The following SYNJ2 variants were observed in gnomAD, a reference collection of about 807,000 sequenced individuals.
SYNJ2 encodes the protein polyphosphatidylinositol phosphatase SYNJ2.
SYNJ2 carries 116 observed loss-of-function variants against 141.3 expected under a neutral mutation model. The ratio of observed to expected loss-of-function variants is 0.82; its 90% CI spans 0.71 to 0.96. The LOEUF (loss-of-function observed/expected upper bound fraction) is 0.96. Among genes scored for constraint, SYNJ2 ranks in the 40% least tolerant of loss-of-function variants. The pLI, the probability that SYNJ2 is intolerant of heterozygous loss-of-function variation, is 0.00. For synonymous variants in SYNJ2, 745 were observed against 777.7 expected, an observed-to-expected ratio of 0.96 and a Z score of 0.70; for missense variants, 1,873 against 1,934.8, an observed-to-expected ratio of 0.97 and a Z score of 0.60.
At chr6:158,065,062 T>A in intron 11 of SYNJ2, 71 bp downstream of exon 11, 1 of 1,454,768 alleles carries the variant, frequency 6.9e-7, no homozygotes, top group Non-Finnish European at 9.1e-7. Context: ...CCACCGCCTC[T>A]GTGCTATCCA....
chr6:158,020,215 C>A, intron 2 of SYNJ2, among the ~76,000 whole-genome samples: 1 of 80,910 alleles, frequency 1.2e-5, no homozygotes, highest in East Asian at 3.0e-4. Flanking sequence ...GTGACCCCCA[C>A]CTGCGTGACT....
At chr6:158,077,954 A>G (rs904306825) in intron 17 of SYNJ2, 4 of 436,988 alleles carry the variant, frequency 9.2e-6, no homozygotes, top group Admixed American at 3.9e-5. Flanking sequence ...CATGGTCATG[A>G]CTGTTTTGAA....
At chr6:158,010,318 GA>G (rs1778217312) in intron 1 of SYNJ2, among the ~76,000 whole-genome samples, 1 of 152,238 alleles carries the variant, frequency 6.6e-6, no homozygotes, top group South Asian at 2.1e-4. Flanking sequence ...ACATAATTGA[GA>G]AAATACAGTT....
chr6:158,047,774 CAAAAAAA>C (rs58147972), intron 5 of SYNJ2, among the ~76,000 whole-genome samples: 11 of 32,380 alleles, frequency 3.4e-4, no homozygotes, highest in East Asian at 1.1e-3. Context: ...GCGACTCTGT[CAAAAAAA>C]AAAAAAAAAA....
chr6:158,006,746 C>T (rs1221130961), intron 1 of SYNJ2, among the ~76,000 whole-genome samples: 1 of 152,128 alleles, frequency 6.6e-6, no homozygotes, highest in Non-Finnish European at 1.5e-5. Context: ...GATCTCGGCT[C>T]ACTGCAACCT....
chr6:158,046,611 A>G (rs79245713), intron 5 of SYNJ2, among the ~76,000 whole-genome samples: 6,835 of 152,276 alleles, frequency 0.045, 471 homozygotes, highest in African/African-American at 0.15. Flanking sequence ...CCAGGAGCCC[A>G]GCAGGATGGG....
intron 1 of SYNJ2, among the ~76,000 whole-genome samples, chr6:158,010,801 A>G (rs1468136535): frequency 6.6e-6 from 1 of 151,420 alleles, no homozygotes; most frequent in Non-Finnish European, 1.5e-5. Context: ...GAGGATGGCC[A>G]CGTGATGATG....
At chr6:158,090,809 T>A (rs991595393) in intron 25 of SYNJ2, among the ~76,000 whole-genome samples, 6 of 151,898 alleles carry the variant, frequency 4.0e-5, no homozygotes, top group South Asian at 2.1e-4. Flanking sequence ...CCTCCTAAAG[T>A]GCTGGGATTA....
chr6:158,022,408 C>CA (rs1778825526), intron 2 of SYNJ2, among the ~76,000 whole-genome samples: 1 of 152,314 alleles, frequency 6.6e-6, no homozygotes, highest in South Asian at 2.1e-4. Flanking sequence ...ATCATGACTC[C>CA]AACAGCCAGC....
chr6:157,981,766 C>G (rs977148280), upstream of SYNJ2: 1 of 423,480 alleles, frequency 2.4e-6, no homozygotes, highest in Non-Finnish European at 3.8e-6. The surrounding 1 kb of genome is among the most constrained non-coding windows in gnomAD (Gnocchi z 6.4). Context: ...GCGGCGCGCC[C>G]TCACCTGCCC....
intron 4 of SYNJ2, among the ~76,000 whole-genome samples, chr6:158,037,700 C>T (rs1336910894): frequency 6.6e-6 from 1 of 152,192 alleles, no homozygotes; most frequent in African/African-American, 2.4e-5. Flanking sequence ...TGAGCCCGGC[C>T]CAGTTGTCCT....
rs181828460 is a variant in SYNJ2 at position 158,096,469 on chromosome 6, G to T, written c.*105G>T. 179 of 1,334,342 alleles carry T rather than the reference G, an allele frequency of 1.3e-4. 1 individual carries two copies. In the East Asian group the frequency reaches 4.0e-3, roughly 30 times the overall value. The allele number at this position is 1,334,342 out of a possible 1,614,324, so 82.7% of individuals were successfully genotyped here. On this transcript the variant is annotated 3_prime_UTR_variant, in exon 27 of 27. Coordinates refer to ENST00000355585, the MANE Select transcript of SYNJ2 (RefSeq NM_003898.4). ...TATTTAAAGGCACACTGGCCAAAAC[G>T]TTTGTGCATCTGTCACTCTCGTGTA...
intron 7 of SYNJ2, among the ~76,000 whole-genome samples, chr6:158,060,961 C>T (rs948575189): frequency 1.3e-5 from 2 of 152,222 alleles, no homozygotes; most frequent in Non-Finnish European, 2.9e-5. Context: ...GTTGGTGGCC[C>T]AGCAGCCTGC....
At position 158,095,749 on chromosome 6, in the gene SYNJ2, T is replaced by G. The variant is rs543121828; in HGVS notation, c.3876T>G (p.Phe1292Leu). Reference sequence around the variant, plus strand: ...CTCCTGTTCCCAAACCAAGAACATTTCAGCCTGGGAAAGCTGCAGAGAGGC... The same window carrying G: ...CTCCTGTTCCCAAACCAAGAACATTGCAGCCTGGGAAAGCTGCAGAGAGGC... ...RVPPVPKPRT[F>L]QPGKAAERPS... Residue 1292 changes from phenylalanine (F) to leucine (L), a missense_variant, in exon 27 of 27, where the codon TTT (phenylalanine) becomes TTG (leucine). Coordinates refer to ENST00000355585, the MANE Select transcript of SYNJ2 (RefSeq NM_003898.4). 2 of 1,614,028 alleles carry G rather than the reference T, an allele frequency of 1.2e-6. No individual in the cohort carries two copies. The highest frequency in any genetic ancestry group is 4.5e-5 in the East Asian group (2 of 44,874).
chr6:157,999,573 G>T (rs1474008173), intron 1 of SYNJ2, among the ~76,000 whole-genome samples: 1 of 152,236 alleles, frequency 6.6e-6, no homozygotes, highest in East Asian at 1.9e-4. Context: ...CAAGCTCAGG[G>T]CTGCGAACAT....
chr6:158,043,245 C>A lies in SYNJ2; in HGVS notation c.712-71C>A. The A allele has an allele frequency of 7.2e-7, 1 of 1,393,292 alleles. No homozygotes were observed. The highest frequency in any genetic ancestry group is 1.0e-6 in the Non-Finnish European group (1 of 988,436). The allele number at this position is 1,393,292 out of a possible 1,614,324, so 86.3% of individuals were successfully genotyped here. ...GGTGTCGGGTCACAGGTGGCCGGATCCCGTTACCCAGCCCAGGACGTTCGG... is the reference window on the plus strand; with the variant it reads ...GGTGTCGGGTCACAGGTGGCCGGATACCGTTACCCAGCCCAGGACGTTCGG... On this transcript the variant is annotated intron_variant, in intron 4 of 26. Transcript: ENST00000355585. This position sits in a 1 kb window ranked among gnomAD's most constrained non-coding sequence, Gnocchi z 4.0.
intron 2 of SYNJ2, among the ~76,000 whole-genome samples, chr6:158,021,808 T>C (rs188586861): frequency 7.0e-4 from 107 of 152,332 alleles, no homozygotes; most frequent in Non-Finnish European, 7.9e-4. Flanking sequence ...CGGTCTTAGA[T>C]TAATTTAATT....
chr6:158,019,900 G>A (rs1448101793), intron 2 of SYNJ2, among the ~76,000 whole-genome samples: 1 of 152,224 alleles, frequency 6.6e-6, no homozygotes, highest in Non-Finnish European at 1.5e-5. Context: ...TTATCTTAAG[G>A]GGCGTTTGAC....
intron 6 of SYNJ2, among the ~76,000 whole-genome samples, chr6:158,057,739 T>C (rs936861796): frequency 2.0e-5 from 3 of 152,228 alleles, no homozygotes; most frequent in African/African-American, 7.2e-5. Flanking sequence ...AGCCACATTG[T>C]GGGATGTGGC....
Sources: gnomAD v4.1 joint callset for allele counts (sites outside exome capture counted in the v4.1 genomes callset) on GRCh38, gnomAD v4.1.1 for gene constraint, Gnocchi (gnomAD v3.1) non-coding constraint, MANE v1.5 for transcripts, NCBI Gene and HGNC (gene_info 2026-07-23, HGNC 2026-07-21) for gene names.